Variants in IDH1 observed in about 807,000 individuals in gnomAD.
IDH1 encodes isocitrate dehydrogenase [NADP] cytoplasmic.
Under a neutral mutation model 46.1 loss-of-function variants are expected in IDH1, and 33 were observed. That is an observed-to-expected ratio of 0.72 (90% CI 0.54 to 0.96). The LOEUF (loss-of-function observed/expected upper bound fraction) is 0.96. Ranked by LOEUF, IDH1 falls within the 40% of genes least tolerant of loss-of-function variation. The pLI, the probability that IDH1 is intolerant of heterozygous loss-of-function variation, is 0.00. For missense variants in IDH1, 421 were observed against 515.7 expected, an observed-to-expected ratio of 0.82 and a Z score of 1.78; for synonymous variants, 144 against 172.8, an observed-to-expected ratio of 0.83 and a Z score of 1.31.
intron 6 of IDH1, among the ~76,000 whole-genome samples, chr2:208,242,664 T>C (rs548541375): frequency 1.7e-4 from 26 of 152,314 alleles, no homozygotes; most frequent in African/African-American, 6.3e-4. Context: ...TATTAACACA[T>C]GCTCACCTCC....
In IDH1 at chr2:208,246,807, G is replaced by A. The variant is rs559726397; in HGVS notation, c.415-1383C>T. Among the ~76,000 whole-genome samples the A allele has an allele frequency of 2.1e-3, 314 of 152,158 alleles. 2 individuals are homozygous for A. Among genetic ancestry groups the A allele is most frequent in the African/African-American group, 7.2e-3 (298 of 41,520 alleles). On this transcript the variant is annotated intron_variant, in intron 4 of 9. Coordinates refer to ENST00000345146, the MANE Select transcript of IDH1 (RefSeq NM_005896.4). Reference sequence around the variant, plus strand: ...AAAACACAAAAATTAGCCGGGCATGGTAGCATGTGCCTGTAATCCCAGCTA... The same window carrying A: ...AAAACACAAAAATTAGCCGGGCATGATAGCATGTGCCTGTAATCCCAGCTA...
At chr2:208,245,729 A>G (rs906814538) in intron 4 of IDH1, among the ~76,000 whole-genome samples, 2 of 150,986 alleles carry the variant, frequency 1.3e-5, no homozygotes. Flanking sequence ...AAAGACATAT[A>G]TAAGTGAAAA....
rs1574406731 is a variant in IDH1, at chr2:208,245,478, G to A, written c.415-54C>T. The A allele has an allele frequency of 1.5e-5, 14 of 910,074 alleles. No individual in the cohort carries two copies. The East Asian group carries it at 3.6e-4, about 24-fold the overall frequency. The allele number at this position is 910,074 out of a possible 1,614,324, so 56.4% of individuals were successfully genotyped here. ...AAAAAAAAATACCCTAGCAGGAATT[G>A]TAAGGAGAATATTCATATAATATAG... is the stretch of plus-strand genomic sequence containing the variant. On this transcript the variant is annotated intron_variant, in intron 4 of 9. Coordinates refer to ENST00000345146, the MANE Select transcript of IDH1 (RefSeq NM_005896.4).
intron 8 of IDH1, 113 bp from the exon 9 acceptor site, chr2:208,239,346 T>C (rs1455793925): frequency 9.6e-7 from 1 of 1,040,440 alleles, no homozygotes; most frequent in East Asian, 2.6e-5. Context: ...ACAGACTTCT[T>C]TAGATACTAA....
rs763685036 is a variant in IDH1 at position 208,248,399 on chromosome 2, G to A, written c.384C>T (p.Ile128=). 4 of 1,613,568 alleles carry A rather than the reference G, an allele frequency of 2.5e-6. No homozygotes were observed. Among genetic ancestry groups the A allele is most frequent in the Non-Finnish European group, 3.4e-6 (4 of 1,179,870 alleles). The change falls in exon 4 of 10, where the codon ATC becomes ATT. Residue 128 remains isoleucine (I), a synonymous_variant. Transcript: ENST00000345146. ...CCCCATAAGCATGACGACCTATGAT[G>A]ATAGGTTTTACCCATCCACTCACAA... The part of the protein sequence containing the change: ...PRLVSGWVKP[I]IIGRHAYGDQ...
At chr2:208,245,546 CTTTTTTTT>C (rs34363027) in intron 4 of IDH1, 122 bp from the exon 5 acceptor site, 3 of 336,650 alleles carry the variant, frequency 8.9e-6, no homozygotes, top group African/African-American at 2.4e-5. Context: ...TGTCAAACTT[CTTTTTTTT>C]TTTTTTTTTT....
At chr2:208,246,661 C>T (rs1210850484) in intron 4 of IDH1, among the ~76,000 whole-genome samples, 1 of 147,154 alleles carries the variant, frequency 6.8e-6, no homozygotes, top group Non-Finnish European at 1.5e-5. Flanking sequence ...AAGAGGAAGG[C>T]CGGGCATGGT....
At position 208,236,812 on chromosome 2, in the gene IDH1, T is replaced by C; in HGVS notation, c.*267A>G. 2.3e-6 allele frequency: 1 copy of C among 428,584 alleles called. No homozygotes were observed. The highest frequency in any genetic ancestry group is 4.2e-6 in the Non-Finnish European group (1 of 239,760). The allele number at this position is 428,584 out of a possible 1,614,324, so 26.5% of individuals were successfully genotyped here. ...ATTAGAACATGAGAAAAAGTGACAGTGAATACAAATGAGTACTAACCGAAT... is the reference window on the plus strand; with the variant it reads ...ATTAGAACATGAGAAAAAGTGACAGCGAATACAAATGAGTACTAACCGAAT... On this transcript the variant is annotated 3_prime_UTR_variant, in exon 10 of 10. Transcript: ENST00000345146.
chr2:208,251,267 A>G (rs1003461724), intron 3 of IDH1, 163 bp downstream of exon 3: 2 of 454,374 alleles, frequency 4.4e-6, no homozygotes, highest in African/African-American at 2.0e-5. Context: ...TTTTTTTTAA[A>G]GTGATGGGGT....
chr2:208,237,460 G>A (rs759333856), intron 9 of IDH1, among the ~76,000 whole-genome samples: 13 of 151,922 alleles, frequency 8.6e-5, no homozygotes, highest in African/African-American at 1.7e-4. Flanking sequence ...ATTGAGTTTC[G>A]GTTCAGACTA....
At chr2:208,249,035 G>C (rs1000596516) in intron 3 of IDH1, among the ~76,000 whole-genome samples, 1 of 152,100 alleles carries the variant, frequency 6.6e-6, no homozygotes, top group African/African-American at 2.4e-5. Flanking sequence ...TTTTCCCTTA[G>C]TAAATATTGC....
At chr2:208,238,979 C>T in intron 9 of IDH1, 92 bp downstream of exon 9, 2 of 1,160,094 alleles carry the variant, frequency 1.7e-6, no homozygotes, top group Admixed American at 3.4e-5. Context: ...TGATGAATAA[C>T]AATTTATATA....
chr2:208,237,857 C>T (rs1466377347), intron 9 of IDH1, among the ~76,000 whole-genome samples: 2 of 150,550 alleles, frequency 1.3e-5, no homozygotes, highest in Non-Finnish European at 3.0e-5. Context: ...ACCCAGGAGG[C>T]GGAGGTTGCA....
intron 4 of IDH1, among the ~76,000 whole-genome samples, chr2:208,246,077 T>C (rs1314090219): frequency 6.6e-6 from 1 of 152,202 alleles, no homozygotes; most frequent in Non-Finnish European, 1.5e-5. Context: ...CGGTCTCTCA[T>C]GGTATCATTG....
At chr2:208,240,281 C>T (rs922906860) in intron 7 of IDH1, 1 of 459,420 alleles carries the variant, frequency 2.2e-6, no homozygotes, top group Admixed American at 3.3e-5. Flanking sequence ...ACATTCCACT[C>T]TAGTTCTATG....
At chr2:208,247,218 C>A (rs1688039680) in intron 4 of IDH1, among the ~76,000 whole-genome samples, 1 of 152,202 alleles carries the variant, frequency 6.6e-6, no homozygotes, top group Non-Finnish European at 1.5e-5. Context: ...TGGATTTCAG[C>A]ATGAGAGATT....
chr2:208,237,166 C>A lies in IDH1; in HGVS notation c.1158G>T (p.Val386=). ...LAACIKGLPN[V]QRSDYLNTFE... ...ATGTATTCAAGTAGTCAGAACGTTG[C>A]ACACTAACGGGAAGGAAAAAAAAAA... is the stretch of plus-strand genomic sequence containing the variant. Residue 386 remains valine (V), a synonymous_variant, in exon 10 of 10, where the codon GTG becomes GTT. Transcript: ENST00000345146. The A allele has an allele frequency of 2.6e-6, 4 of 1,556,726 alleles. No individual in the cohort carries two copies. The highest frequency in any genetic ancestry group is 3.5e-6 in the Non-Finnish European group (4 of 1,150,076).
In IDH1 at chr2:208,243,525, A is replaced by G; in HGVS notation, c.600T>C (p.Ala200=). 1.2e-6 allele frequency: 2 copies of G among 1,613,706 alleles called. No homozygotes were observed. The highest frequency in any genetic ancestry group is 1.7e-6 in the Non-Finnish European group (2 of 1,179,568). The change falls in exon 6 of 10, where the codon GCT becomes GCC. Residue 200 remains alanine (A), a synonymous_variant. Transcript: ENST00000345146. ...EDFAHSSFQM[A]LSKGWPLYLS... ...GATACAAAGGCCAACCCTTAGACAG[A>G]GCCATTTGGAAGGAACTGTGTGCAA...
intron 2 of IDH1, among the ~76,000 whole-genome samples, chr2:208,252,276 T>C (rs904087865): frequency 1.3e-5 from 2 of 152,252 alleles, no homozygotes; most frequent in Non-Finnish European, 2.9e-5. Context: ...GAAGAATCTC[T>C]ATACAGTAGG....
Sources: gnomAD v4.1 joint callset for allele counts (sites outside exome capture counted in the v4.1 genomes callset) on GRCh38, gnomAD v4.1.1 for gene constraint, MANE v1.5 for transcripts, NCBI Gene and HGNC (gene_info 2026-07-23, HGNC 2026-07-21) for gene names.